ACTR3C: variants seen among roughly 807,000 people sequenced by gnomAD.
The protein encoded by ACTR3C is actin related protein 3C, also known as actin-related protein 3C.
In ACTR3C, 18 loss-of-function variants were observed where a neutral mutation model predicts 26.3. That is an observed-to-expected ratio of 0.68 (90% CI 0.47 to 1.01). The LOEUF is 1.01. Ranked by LOEUF, ACTR3C falls within the 50% of genes least tolerant of loss-of-function variation. ACTR3C has a pLI of 0.00. For missense variants in ACTR3C, 184 were observed against 250.7 expected (o/e 0.73, Z 1.80); for synonymous variants, 55 against 94.5 (o/e 0.58, Z 2.42).
At chr7:149,989,942 G>A in the ACTR3C span, among the ~76,000 whole-genome samples, 2 of 152,060 alleles carry the variant, frequency 1.3e-5, no homozygotes, top group South Asian at 2.1e-4. Flanking sequence ...GCCAACACTT[G>A]TTATGGTCCA....
intron 6 of ACTR3C, among the ~76,000 whole-genome samples, chr7:150,257,318 G>C (rs1833290088): frequency 6.6e-6 from 1 of 152,284 alleles, no homozygotes; most frequent in South Asian, 2.1e-4. Flanking sequence ...ACATAGCTCA[G>C]ACAATTAGGA....
At chr7:150,301,423 C>G (rs576133805) in intron 1 of ACTR3C, among the ~76,000 whole-genome samples, 3 of 152,282 alleles carry the variant, frequency 2.0e-5, no homozygotes, top group Non-Finnish European at 4.4e-5. Context: ...CTCTCTGGGT[C>G]TAAGTTCAGT....
At chr7:150,170,498 T>C in the ACTR3C span, among the ~76,000 whole-genome samples, 9 of 150,498 alleles carry the variant, frequency 6.0e-5, 1 homozygote, top group Admixed American at 3.3e-4. Context: ...GATTTTACTG[T>C]GGCTGCATTA....
At chr7:150,031,262 T>TA in the ACTR3C span, among the ~76,000 whole-genome samples, 46 of 94,010 alleles carry the variant, frequency 4.9e-4, no homozygotes, top group South Asian at 1.1e-3. Context: ...GTCCCAAATT[T>TA]AAAAAAAAAA....
At chr7:150,077,320 T>A in the ACTR3C span, among the ~76,000 whole-genome samples, 1 of 152,176 alleles carries the variant, frequency 6.6e-6, no homozygotes, top group Non-Finnish European at 1.5e-5. Flanking sequence ...TGTGTGTGTG[T>A]GTGCACACAA....
At chr7:150,106,223 T>C in the ACTR3C span, among the ~76,000 whole-genome samples, 1 of 151,126 alleles carries the variant, frequency 6.6e-6, no homozygotes, top group Admixed American at 6.6e-5. Context: ...CACAGACATA[T>C]AGAAAAGAAC....
the ACTR3C span, among the ~76,000 whole-genome samples, chr7:150,040,015 G>A: frequency 1.4e-5 from 2 of 143,298 alleles, no homozygotes; most frequent in African/African-American, 5.1e-5. Context: ...CCAAGAGCCA[G>A]GCGGGGAAGA....
chr7:150,007,032 T>C, the ACTR3C span, among the ~76,000 whole-genome samples: 2 of 152,264 alleles, frequency 1.3e-5, no homozygotes, highest in Admixed American at 6.5e-5. Context: ...AGTTGGCTCA[T>C]TGTATGAATT....
the ACTR3C span, among the ~76,000 whole-genome samples, chr7:149,960,027 C>CAAGG: frequency 1.3e-5 from 2 of 151,362 alleles, no homozygotes; most frequent in Non-Finnish European, 2.9e-5. Context: ...CACTTGCAGC[C>CAAGG]ATTTCTGCAA....
At chr7:149,881,681 C>T in the ACTR3C span, 2 of 152,366 alleles carry the variant, frequency 1.3e-5, no homozygotes, top group East Asian at 1.9e-4. Flanking sequence ...GCAGGTTGCT[C>T]AGGGGGTTCA....
chr7:150,163,027 A>G, the ACTR3C span, among the ~76,000 whole-genome samples: 3 of 151,928 alleles, frequency 2.0e-5, no homozygotes, highest in Non-Finnish European at 2.9e-5. Context: ...GGTGGTGCAC[A>G]CCTGTAATTC....
the ACTR3C span, among the ~76,000 whole-genome samples, chr7:150,035,443 G>A: frequency 1.2e-5 from 1 of 86,350 alleles, no homozygotes; most frequent in Non-Finnish European, 2.6e-5. Flanking sequence ...TCCCTGACTC[G>A]CGGGGGGTGC....
the ACTR3C span, among the ~76,000 whole-genome samples, chr7:150,084,268 CTG>C: frequency 5.3e-5 from 8 of 151,876 alleles, no homozygotes; most frequent in African/African-American, 1.9e-4. Flanking sequence ...ACTTTAAAAA[CTG>C]AATGTTTCCA....
the ACTR3C span, among the ~76,000 whole-genome samples, chr7:149,941,472 A>G: frequency 1.3e-5 from 2 of 152,094 alleles, no homozygotes; most frequent in Non-Finnish European, 2.9e-5. Flanking sequence ...CCTGGACCCT[A>G]ATTTAACAGA....
At chr7:150,089,749 T>C in the ACTR3C span, among the ~76,000 whole-genome samples, 1 of 152,244 alleles carries the variant, frequency 6.6e-6, no homozygotes, top group Non-Finnish European at 1.5e-5. Context: ...GGGGGCCAGA[T>C]GAACCAGTAT....
chr7:150,134,912 G>C, the ACTR3C span, among the ~76,000 whole-genome samples: 1 of 152,170 alleles, frequency 6.6e-6, no homozygotes, highest in Non-Finnish European at 1.5e-5. Flanking sequence ...CTGAAAGCAG[G>C]TAACTTTTTT....
At chr7:149,917,178 C>T in the ACTR3C span, among the ~76,000 whole-genome samples, 27 of 151,830 alleles carry the variant, frequency 1.8e-4, no homozygotes, top group African/African-American at 6.0e-4. Context: ...TGGGTTCAAG[C>T]GATTCTCCTG....
the ACTR3C span, among the ~76,000 whole-genome samples, chr7:150,053,366 C>A: frequency 5.9e-5 from 9 of 152,080 alleles, no homozygotes; most frequent in African/African-American, 2.2e-4. Context: ...AAATATGATT[C>A]CCTTCAATGT....
At chr7:149,942,136 A>ATGTG in the ACTR3C span, among the ~76,000 whole-genome samples, 1 of 151,838 alleles carries the variant, frequency 6.6e-6, no homozygotes, top group Non-Finnish European at 1.5e-5. Flanking sequence ...GTGTGCGTGC[A>ATGTG]TGTGTGTGTG....
Sources: gnomAD v4.1 joint callset for allele counts (sites outside exome capture counted in the v4.1 genomes callset) on GRCh38, gnomAD v4.1.1 for gene constraint, MANE v1.5 for transcripts, NCBI Gene and HGNC (gene_info 2026-07-23, HGNC 2026-07-21) for gene names.